Variants in MYZAP observed in about 807,000 individuals in gnomAD.
MYZAP encodes the protein GRINL1A complex locus upstream.
In MYZAP, 66 loss-of-function variants were observed where a neutral mutation model predicts 69.4. That is an observed-to-expected ratio of 0.95 (90% CI 0.78 to 1.17). The LOEUF (loss-of-function observed/expected upper bound fraction) is 1.17, where lower values mean the gene tolerates loss of function less well. Among genes scored for constraint, MYZAP ranks in the 50% most tolerant of loss-of-function variants. The pLI, the probability that MYZAP is intolerant of heterozygous loss-of-function variation, is 0.00. For synonymous variants in MYZAP, 256 were observed against 205.9 expected, an observed-to-expected ratio of 1.24 and a Z score of -2.09; for missense variants, 611 against 556.2, an observed-to-expected ratio of 1.10 and a Z score of -0.99.
chr15:57,648,454 T>C (rs1207392881), intron 10 of MYZAP: 1 of 985,326 alleles, frequency 1.0e-6, no homozygotes, highest in Admixed American at 6.1e-5. Flanking sequence ...CAGTCACGAA[T>C]GCTTCTCTCA....
chr15:57,642,191 C>G (rs2037200024), intron 10 of MYZAP, among the ~76,000 whole-genome samples: 1 of 152,210 alleles, frequency 6.6e-6, no homozygotes, highest in African/African-American at 2.4e-5. Flanking sequence ...ATTCTGTGTT[C>G]TGTAACCTTA....
At chr15:57,668,583 G>C (rs1418075751) in intron 11 of MYZAP, among the ~76,000 whole-genome samples, 1 of 152,150 alleles carries the variant, frequency 6.6e-6, no homozygotes, top group East Asian at 1.9e-4. Context: ...ATAGAGTGCT[G>C]TCTCATGTGG....
At chr15:57,678,881 A>T (rs1294296184) in intron 12 of MYZAP, among the ~76,000 whole-genome samples, 1 of 152,104 alleles carries the variant, frequency 6.6e-6, no homozygotes, top group Non-Finnish European at 1.5e-5. Flanking sequence ...TGTGAAAAAA[A>T]AATTGCATTT....
intron 12 of MYZAP, among the ~76,000 whole-genome samples, chr15:57,684,084 A>G (rs1336590761): frequency 1.3e-5 from 2 of 151,542 alleles, no homozygotes; most frequent in African/African-American, 4.8e-5. Context: ...GTGAGCCACC[A>G]CGCTGGGCCT....
intron 10 of MYZAP, among the ~76,000 whole-genome samples, chr15:57,644,824 C>T (rs1426360435): frequency 2.0e-5 from 3 of 152,088 alleles, no homozygotes; most frequent in African/African-American, 7.2e-5. Context: ...TACAAACTTC[C>T]CAAAGGCTAT....
chr15:57,660,530 G>T (rs1369005874), intron 10 of MYZAP, among the ~76,000 whole-genome samples: 4 of 152,048 alleles, frequency 2.6e-5, no homozygotes, highest in African/African-American at 9.7e-5. Flanking sequence ...GCCCAGGCTG[G>T]TCTTGAACTC....
intron 1 of MYZAP, among the ~76,000 whole-genome samples, chr15:57,596,126 T>C (rs2034041687): frequency 6.6e-6 from 1 of 152,212 alleles, no homozygotes. Context: ...AAACTTGATT[T>C]CCCCTAGACA....
intron 1 of MYZAP, chr15:57,599,636 G>A (rs1376689209): frequency 1.6e-5 from 20 of 1,289,052 alleles, no homozygotes; most frequent in Admixed American, 2.3e-5. Flanking sequence ...CAAGCCTGGG[G>A]CATCTCTGGA....
chr15:57,596,711 C>G (rs1567197013), intron 1 of MYZAP, among the ~76,000 whole-genome samples: 1 of 152,240 alleles, frequency 6.6e-6, no homozygotes, highest in Non-Finnish European at 1.5e-5. Context: ...TGGCCCGTGC[C>G]TGTGCTGTTT....
chr15:57,593,214 A>ACACACACACCCCCC (rs1172761785), intron 1 of MYZAP, among the ~76,000 whole-genome samples: 12 of 141,436 alleles, frequency 8.5e-5, no homozygotes, highest in African/African-American at 3.3e-4. Flanking sequence ...ACACACACAC[A>ACACACACACCCCCC]CCCCAGAATC....
intron 11 of MYZAP, among the ~76,000 whole-genome samples, chr15:57,669,090 C>T (rs1445400373): frequency 2.0e-5 from 3 of 151,800 alleles, no homozygotes; most frequent in South Asian, 2.1e-4. Flanking sequence ...GGTTTCACCA[C>T]GTTGCCCGGG....
At chr15:57,627,020 G>C (rs376149569) in intron 5 of MYZAP, among the ~76,000 whole-genome samples, 1 of 152,172 alleles carries the variant, frequency 6.6e-6, no homozygotes, top group East Asian at 1.9e-4. Flanking sequence ...TGGTCGGGGG[G>C]GCTTGCCAAG....
At chr15:57,667,022 TAC>T (rs1295915322) in intron 11 of MYZAP, among the ~76,000 whole-genome samples, 3 of 152,236 alleles carry the variant, frequency 2.0e-5, no homozygotes, top group Non-Finnish European at 4.4e-5. Context: ...CAGATTTCGT[TAC>T]ACTTTTCTCT....
intron 12 of MYZAP, among the ~76,000 whole-genome samples, chr15:57,679,863 C>T (rs1474768003): frequency 5.3e-5 from 8 of 152,200 alleles, no homozygotes. Flanking sequence ...CTGGTGTCTG[C>T]TTGGTCTTCA....
chr15:57,647,293 A>C, intron 10 of MYZAP: 1 of 985,438 alleles, frequency 1.0e-6, no homozygotes, highest in Non-Finnish European at 1.2e-6. Context: ...GTGTTTAGAC[A>C]CAGATCCCCA....
chr15:57,617,037 T>C (rs1456489832), intron 2 of MYZAP, among the ~76,000 whole-genome samples: 5 of 152,046 alleles, frequency 3.3e-5, no homozygotes, highest in Admixed American at 3.3e-4. Context: ...TTCTTACTTC[T>C]GTCCCTTCCA....
At chr15:57,640,120 A>G (rs926134931) in intron 10 of MYZAP, among the ~76,000 whole-genome samples, 3 of 151,962 alleles carry the variant, frequency 2.0e-5, no homozygotes, top group African/African-American at 7.3e-5. Context: ...CAAGCTATAC[A>G]TTTACTGTTT....
At chr15:57,650,673 A>G (rs1263902112) in intron 10 of MYZAP, among the ~76,000 whole-genome samples, 2 of 152,228 alleles carry the variant, frequency 1.3e-5, no homozygotes, top group African/African-American at 4.8e-5. Flanking sequence ...GATGTGTGCT[A>G]AATGCTTAGC....
intron 9 of MYZAP, among the ~76,000 whole-genome samples, chr15:57,639,218 T>TTTA (rs1567221962): frequency 1.2e-4 from 18 of 149,036 alleles, no homozygotes; most frequent in African/African-American, 4.3e-4. Context: ...TTATTTATTT[T>TTTA]TTTTTTTTGT....
Sources: gnomAD v4.1 joint callset for allele counts (sites outside exome capture counted in the v4.1 genomes callset) on GRCh38, gnomAD v4.1.1 for gene constraint, MANE v1.5 for transcripts, NCBI Gene and HGNC (gene_info 2026-07-23, HGNC 2026-07-21) for gene names.